DEAF1: variants seen among roughly 807,000 people sequenced by gnomAD.
The protein encoded by DEAF1 is DEAF1 transcription factor.
Under a neutral mutation model 58.9 loss-of-function variants are expected in DEAF1, and 53 were observed. The ratio of observed to expected loss-of-function variants is 0.90; its 90% CI spans 0.72 to 1.13. The LOEUF is 1.13. Among genes scored for constraint, DEAF1 ranks in the 50% most tolerant of loss-of-function variants. The pLI is 0.00. For missense variants in DEAF1, 685 were observed against 791.4 expected (o/e 0.87, Z 1.61); for synonymous variants, 385 against 340.4 (o/e 1.13, Z -1.44).
At chr11:668,552 G>C (rs1488228697) in intron 10 of DEAF1, among the ~76,000 whole-genome samples, 1 of 152,018 alleles carries the variant, frequency 6.6e-6, no homozygotes, top group East Asian at 1.9e-4. Context: ...GCCGGGCACA[G>C]TGGTTCATGC....
At chr11:670,761 TTTTC>T (rs1859776792) in intron 10 of DEAF1, among the ~76,000 whole-genome samples, 1 of 91,638 alleles carries the variant, frequency 1.1e-5, no homozygotes, top group African/African-American at 5.6e-5. Flanking sequence ...TTAATTTCTT[TTTTC>T]TTTTTGTTTT....
intron 10 of DEAF1, among the ~76,000 whole-genome samples, chr11:660,481 G>A (rs950726755): frequency 8.5e-5 from 13 of 152,180 alleles, no homozygotes; most frequent in Non-Finnish European, 1.5e-4. Flanking sequence ...CCCCGTCCCG[G>A]GCACCTGGCC....
intron 10 of DEAF1, among the ~76,000 whole-genome samples, chr11:667,061 A>G (rs1299521072): frequency 1.3e-5 from 2 of 151,518 alleles, no homozygotes; most frequent in African/African-American, 4.9e-5. Flanking sequence ...ATAGCTGGGC[A>G]TGGTGGTACA....
intron 1 of DEAF1, among the ~76,000 whole-genome samples, chr11:693,031 G>A (rs1369629624): frequency 6.6e-6 from 1 of 152,186 alleles, no homozygotes; most frequent in African/African-American, 2.4e-5. Flanking sequence ...GCCTCCTCAG[G>A]CGGCAGCGTG....
chr11:673,410 C>T (rs565923532), intron 10 of DEAF1, among the ~76,000 whole-genome samples: 1 of 152,024 alleles, frequency 6.6e-6, no homozygotes, highest in African/African-American at 2.4e-5. Flanking sequence ...TGCCTGTAGT[C>T]CCAGCTACTT....
upstream of DEAF1, chr11:695,859 G>C (rs1013327609): frequency 2.4e-6 from 3 of 1,228,312 alleles, no homozygotes; most frequent in South Asian, 4.0e-5. Context: ...GAGCTCGGGC[G>C]GGGTGGGGGC....
At chr11:679,852 AGTGGCGCCCACGGCACACAGGTCCC>A in intron 7 of DEAF1, 36 bp from the exon 8 acceptor site, 1 of 1,609,976 alleles carries the variant, frequency 6.2e-7, no homozygotes, top group South Asian at 1.1e-5. Context: ...GCGGCCAGGC[AGTGGCGCCCACGGCACACAGGTCCC>A]GTGCCACCCA....
intron 5 of DEAF1, among the ~76,000 whole-genome samples, chr11:686,331 G>C (rs1406365210): frequency 6.7e-6 from 1 of 149,010 alleles, no homozygotes; most frequent in South Asian, 2.1e-4. Context: ...GTAATTTCCA[G>C]AGCCTTCTCC....
At chr11:645,425 T>C (rs1341745585) in intron 11 of DEAF1, among the ~76,000 whole-genome samples, 1 of 152,084 alleles carries the variant, frequency 6.6e-6, no homozygotes, top group Non-Finnish European at 1.5e-5. Flanking sequence ...CAAGCAATTC[T>C]CTTGCCTCAG....
At chr11:670,688 C>T (rs1670332906) in intron 10 of DEAF1, among the ~76,000 whole-genome samples, 1 of 151,510 alleles carries the variant, frequency 6.6e-6, no homozygotes. Flanking sequence ...GCACTCTAGC[C>T]TGGGTGACAC....
At position 668,218 on chromosome 11, in the gene DEAF1, T is replaced by G. The variant is rs1859644815; in HGVS notation, c.1503+6318A>C. On this transcript the variant is annotated intron_variant, in intron 10 of 11. Transcript: ENST00000382409. ...GACATTACAGACAAAAACAGAGAAT[T>G]CATGGCCAACAGACCTATATGAAAA... 2.0e-5 allele frequency among the ~76,000 whole-genome samples: 3 copies of G among 152,216 alleles called. No homozygotes were observed. The South Asian group carries it at 6.2e-4, about 32-fold the overall frequency.
chr11:680,877 C>A lies in DEAF1; in HGVS notation c.997+86G>T, dbSNP rs115805509. ...GCAATGTGCTTTAGAAGTGAGAATCCCGCAGTGGCCGTGGGAGTGGTGACG... is the reference window on the plus strand; with the variant it reads ...GCAATGTGCTTTAGAAGTGAGAATCACGCAGTGGCCGTGGGAGTGGTGACG... On this transcript the variant is annotated intron_variant, in intron 7 of 11. Transcript: ENST00000382409. The A allele has an allele frequency of 1.6e-3, 2,517 of 1,582,318 alleles. 39 individuals carry two copies. In the African/African-American group the frequency reaches 0.029, roughly 18 times the overall value.
intron 1 of DEAF1, chr11:700,251 G>A (rs1345544236): frequency 6.2e-7 from 1 of 1,605,604 alleles, no homozygotes; most frequent in East Asian, 2.2e-5. Flanking sequence ...TCAGGGACGG[G>A]CACAGTGGCT....
intron 1 of DEAF1, among the ~76,000 whole-genome samples, chr11:692,994 T>C (rs934052416): frequency 7.9e-5 from 12 of 152,182 alleles, no homozygotes; most frequent in African/African-American, 2.7e-4. Context: ...GCCAGGCCCA[T>C]GGCAGCCCTG....
chr11:700,481 T>G, intron 1 of DEAF1: 2 of 803,322 alleles, frequency 2.5e-6, no homozygotes, highest in Non-Finnish European at 4.2e-6. Context: ...GAGCCAAGAT[T>G]GCGCCACTGA....
chr11:699,760 A>G (rs371196646), upstream of DEAF1: 3 of 185,230 alleles, frequency 1.6e-5, no homozygotes, highest in East Asian at 2.9e-4. Flanking sequence ...TCAAAAAAAA[A>G]AAGAAAATGA....
chr11:650,265 T>C (rs937094850), intron 11 of DEAF1, among the ~76,000 whole-genome samples: 2 of 148,792 alleles, frequency 1.3e-5, no homozygotes, highest in African/African-American at 2.5e-5. Context: ...TCCCAGCTAC[T>C]TGGGAGGCTG....
At chr11:675,052 T>C in intron 9 of DEAF1, among the ~76,000 whole-genome samples, 1 of 151,838 alleles carries the variant, frequency 6.6e-6, no homozygotes, top group Admixed American at 6.6e-5. Context: ...GACGTGGTGG[T>C]AGACGCCTGT....
intron 1 of DEAF1, chr11:700,736 C>T (rs1861416726): frequency 6.3e-7 from 1 of 1,575,036 alleles, no homozygotes; most frequent in African/African-American, 1.4e-5. Context: ...CCGTGAAGAA[C>T]CTGTCCTAAG....
Sources: gnomAD v4.1 joint callset for allele counts (sites outside exome capture counted in the v4.1 genomes callset) on GRCh38, gnomAD v4.1.1 for gene constraint, MANE v1.5 for transcripts, NCBI Gene and HGNC (gene_info 2026-07-23, HGNC 2026-07-21) for gene names.